Variants in OVOL2 observed in about 807,000 individuals in gnomAD.
OVOL2 encodes ovo like zinc finger 2.
Under a neutral mutation model 18.1 loss-of-function variants are expected in OVOL2, and 13 were observed. That is an observed-to-expected ratio of 0.72 (90% CI 0.47 to 1.14). OVOL2 has a LOEUF of 1.14. Among genes scored for constraint, OVOL2 ranks in the 50% most tolerant of loss-of-function variants. OVOL2 has a pLI of 0.00. For synonymous variants in OVOL2, 166 were observed against 162.7 expected (o/e 1.02, Z -0.16); for missense variants, 335 against 383.0 (o/e 0.87, Z 1.05).
chr20:18,035,818 T>A (rs1600439164), intron 3 of OVOL2, among the ~76,000 whole-genome samples: 1 of 152,208 alleles, frequency 6.6e-6, no homozygotes, highest in East Asian at 1.9e-4. Context: ...ATGATTAAAA[T>A]TTTTAAAGGT....
chr20:18,056,922 A>G lies in OVOL2; in HGVS notation c.101-45T>C. Reference sequence around the variant, plus strand: ...GCCCCGACACACACACTCGGCGTCAACCCGCACGCCCGCGGCAGTTTGACC... The same window carrying G: ...GCCCCGACACACACACTCGGCGTCAGCCCGCACGCCCGCGGCAGTTTGACC... On this transcript the variant is annotated intron_variant, in intron 1 of 3. Transcript: ENST00000278780. This position sits in a 1 kb window ranked among gnomAD's most constrained non-coding sequence, Gnocchi z 4.2. The G allele has an allele frequency of 1.4e-6, 2 of 1,444,350 alleles. No individual in the cohort carries two copies. The highest frequency in any genetic ancestry group is 9.0e-7 in the Non-Finnish European group (1 of 1,107,138). The allele number at this position is 1,444,350 out of a possible 1,614,324, so 89.5% of individuals were successfully genotyped here.
In OVOL2 at chr20:18,056,445, C is replaced by A. The variant is rs899374474; in HGVS notation, c.321+212G>T. 6.6e-6 allele frequency among the ~76,000 whole-genome samples: 1 copy of A among 151,990 alleles called. No homozygotes were observed. Among genetic ancestry groups the A allele is most frequent in the African/African-American group, 2.4e-5 (1 of 41,432 alleles). ...GACGGAGCCCACTCCGGGAACCGGC[C>A]GCCCCTGCGCAGCAGCTACCCTGCG... On this transcript the variant is annotated intron_variant, in intron 2 of 3. Transcript: ENST00000278780. This position sits in a 1 kb window ranked among gnomAD's most constrained non-coding sequence, Gnocchi z 4.2.
intron 3 of OVOL2, among the ~76,000 whole-genome samples, chr20:18,031,542 A>G (rs2036570423): frequency 6.6e-6 from 1 of 152,114 alleles, no homozygotes; most frequent in Admixed American, 6.6e-5. Context: ...GCGCCACTGC[A>G]CTCCAACCTG....
chr20:18,056,946 C>A lies in OVOL2; in HGVS notation c.101-69G>T. ...AACCCGCACGCCCGCGGCAGTTTGA[C>A]CTGCGGGCGGTGCTGCCGCCGCCCC... On this transcript the variant is annotated intron_variant, in intron 1 of 3. Transcript: ENST00000278780. The surrounding 1 kb of genome is among the most constrained non-coding windows in gnomAD (Gnocchi z 4.2). The A allele has an allele frequency of 7.2e-7, 1 of 1,397,720 alleles. No individual in the cohort carries two copies. Among genetic ancestry groups the A allele is most frequent in the Non-Finnish European group, 9.2e-7 (1 of 1,085,808 alleles). 86.6% of individuals were successfully genotyped at this position (1,397,720 alleles called of 1,614,324 possible). A position where few individuals can be genotyped will look rare whatever the true frequency, so the allele number is the denominator to read the frequency against.
At chr20:18,045,373 C>T (rs4814688) in intron 2 of OVOL2, among the ~76,000 whole-genome samples, 89,837 of 152,016 alleles carry the variant, frequency 0.59, 28,052 homozygotes, top group African/African-American at 0.82. Context: ...GAAAGTCTTG[C>T]AGAATGTGCC....
At chr20:18,034,975 T>C (rs1404781457) in intron 3 of OVOL2, among the ~76,000 whole-genome samples, 1 of 152,108 alleles carries the variant, frequency 6.6e-6, no homozygotes, top group East Asian at 1.9e-4. Flanking sequence ...TCCTCGGCCC[T>C]GGGTCCTGGG....
rs527571027 is a variant in OVOL2, at chr20:18,033,770, G to A, written c.511+7764C>T. Among the ~76,000 whole-genome samples the A allele has an allele frequency of 2.1e-3, 317 of 152,010 alleles. 3 individuals carry two copies. Among genetic ancestry groups the A allele is most frequent in the African/African-American group, 7.4e-3 (307 of 41,456 alleles). ...CAGTGCAGAGTCTTGTGCTTGCAAG[G>A]GCTGGTTATTATTTTTTCCTCTAAA... On this transcript the variant is annotated intron_variant, in intron 3 of 3. Coordinates refer to ENST00000278780, the MANE Select transcript of OVOL2 (RefSeq NM_021220.4).
intron 2 of OVOL2, among the ~76,000 whole-genome samples, chr20:18,053,279 A>C (rs767282792): frequency 3.9e-5 from 6 of 152,162 alleles, no homozygotes; most frequent in Non-Finnish European, 8.8e-5. Context: ...AAAGCTAAAC[A>C]CTTTACACCC....
chr20:18,037,098 C>T (rs575865353), intron 3 of OVOL2, among the ~76,000 whole-genome samples: 237 of 146,486 alleles, frequency 1.6e-3, no homozygotes, highest in African/African-American at 4.8e-3. Context: ...ATCGCGCCAC[C>T]GCACTCCAGC....
intron 3 of OVOL2, among the ~76,000 whole-genome samples, chr20:18,031,433 C>T (rs916505184): frequency 3.3e-5 from 5 of 152,026 alleles, no homozygotes; most frequent in African/African-American, 4.8e-5. Flanking sequence ...AAAATTTAGC[C>T]GGGCATGGTG....
rs79565627 is a variant in OVOL2, at chr20:18,048,983, C to T, written c.322-7260G>A. Among the ~76,000 whole-genome samples, 1,310 of 152,206 alleles carry T rather than the reference C, an allele frequency of 8.6e-3. 27 individuals are homozygous for T. The highest frequency in any genetic ancestry group is 0.03 in the African/African-American group (1,250 of 41,530). Reference sequence around the variant, plus strand: ...CCCTTAATCCAAAATTAACACTTTGCAAAAGGCTTATTAACGAGGTGGGGA... The same window carrying T: ...CCCTTAATCCAAAATTAACACTTTGTAAAAGGCTTATTAACGAGGTGGGGA... On this transcript the variant is annotated intron_variant, in intron 2 of 3. Transcript: ENST00000278780.
chr20:18,038,282 T>G (rs189372960), intron 3 of OVOL2, among the ~76,000 whole-genome samples: 1 of 152,328 alleles, frequency 6.6e-6, no homozygotes, highest in Admixed American at 6.5e-5. Context: ...CTACTAATAA[T>G]AGCTAATATT....
chr20:18,039,630 A>C (rs1479127230), intron 3 of OVOL2, among the ~76,000 whole-genome samples: 1 of 150,308 alleles, frequency 6.7e-6, no homozygotes, highest in Non-Finnish European at 1.5e-5. Context: ...AAAGAAAGAA[A>C]GAAAGAAAGA....
rs530513857 is a variant in OVOL2, at chr20:18,036,272, G to A, written c.511+5262C>T. ...CAAGCCATTGCACTTCAGCCTCGGC[G>A]ACAAGAGCAAAACTCCATCTCAAAA... On this transcript the variant is annotated intron_variant, in intron 3 of 3. Transcript: ENST00000278780. Among the ~76,000 whole-genome samples, 6 of 152,126 alleles carry A rather than the reference G, an allele frequency of 3.9e-5. No homozygotes were observed. In the South Asian group the frequency reaches 1.0e-3, roughly 26 times the overall value.
At chr20:18,053,780 G>A (rs1452351097) in intron 2 of OVOL2, among the ~76,000 whole-genome samples, 2 of 151,312 alleles carry the variant, frequency 1.3e-5, no homozygotes, top group East Asian at 1.9e-4. Flanking sequence ...TGCCCAGCAG[G>A]AGCACCCATA....
intron 3 of OVOL2, among the ~76,000 whole-genome samples, chr20:18,026,381 C>CTT (rs2036515467): frequency 9.1e-6 from 1 of 109,560 alleles, no homozygotes; most frequent in Admixed American, 1.0e-4. Context: ...ATCAGGAATC[C>CTT]ATTTTTTTTT....
At chr20:18,042,886 G>C (rs2036687542) in intron 2 of OVOL2, among the ~76,000 whole-genome samples, 1 of 151,646 alleles carries the variant, frequency 6.6e-6, no homozygotes, top group Non-Finnish European at 1.5e-5. Flanking sequence ...GAAGCTTCCT[G>C]AGGGCCTCAC....
chr20:18,034,933 C>T (rs2122699535), intron 3 of OVOL2, among the ~76,000 whole-genome samples: 1 of 152,260 alleles, frequency 6.6e-6, no homozygotes, highest in South Asian at 2.1e-4. Context: ...CCCACCTCAT[C>T]AATATTATAG....
In OVOL2 at chr20:18,024,650, C is replaced by A; in HGVS notation, c.814G>T (p.Glu272Ter). The A allele has an allele frequency of 6.2e-7, 1 of 1,605,100 alleles. No homozygotes were observed. Among genetic ancestry groups the A allele is most frequent in the Non-Finnish European group, 8.5e-7 (1 of 1,173,744 alleles). ...CTTCCTTCTCCTCACTTCCTCTCCT[C>A]CTCCTCACTCAGGCTGGTATTCTCC... ...HQENTSLSEE[E>*]ERK is the part of the protein sequence containing the mutation. Residue 272 changes from glutamate (E) to a stop codon, truncating the protein, a stop_gained, in exon 4 of 4, where the codon GAG (glutamate) becomes TAG (stop). Coordinates refer to ENST00000278780, the MANE Select transcript of OVOL2 (RefSeq NM_021220.4). LOFTEE classifies it high-confidence loss of function.
Sources: allele counts gnomAD v4.1 joint callset (sites outside exome capture counted in the v4.1 genomes callset), GRCh38; gene constraint gnomAD v4.1.1; non-coding constraint Gnocchi (gnomAD v3.1); transcripts MANE v1.5; gene names NCBI Gene and HGNC (gene_info 2026-07-23, HGNC 2026-07-21).